Variants in LNX1 observed in about 807,000 individuals in gnomAD.
LNX1 encodes the protein E3 ubiquitin-protein ligase LNX.
A neutral mutation model predicts 68.4 loss-of-function variants in LNX1; 54 were observed. The observed-to-expected ratio is 0.79, with a 90% CI of 0.63 to 0.99. The LOEUF is 0.99. LNX1 is among the 50% of genes least tolerant of loss of function. The pLI is 0.00. For synonymous variants in LNX1, 336 were observed against 350.0 expected (o/e 0.96, Z 0.45); for missense variants, 906 against 926.4 (o/e 0.98, Z 0.29).
intron 1 of LNX1, among the ~76,000 whole-genome samples, chr4:53,633,365 C>G (rs148033059): frequency 2.7e-3 from 405 of 152,300 alleles, no homozygotes; most frequent in African/African-American, 7.3e-3. Flanking sequence ...TATTCTCTTT[C>G]TCTTCTCCTT....
At position 53,616,252 on chromosome 4, in the gene LNX1, C is replaced by T. The variant is rs114174923; in HGVS notation, c.-215+265G>A. Among the ~76,000 whole-genome samples, 1,070 of 152,108 alleles carry T rather than the reference C, an allele frequency of 7.0e-3. 11 individuals carry two copies. The highest frequency in any genetic ancestry group is 0.024 in the African/African-American group (1,012 of 41,506). On this transcript the variant is annotated intron_variant, in intron 2 of 3. Coordinates refer to the LNX1 transcript ENST00000504299. Reference sequence around the variant, plus strand: ...CTTTTTTACTTTTTTTCTTAGAAACCTAGATAGACACCTTCCCTACATAGA... The same window carrying T: ...CTTTTTTACTTTTTTTCTTAGAAACTTAGATAGACACCTTCCCTACATAGA...
chr4:53,496,832 T>A (rs1414717496), intron 5 of LNX1, among the ~76,000 whole-genome samples: 1 of 152,326 alleles, frequency 6.6e-6, no homozygotes, highest in East Asian at 1.9e-4. Context: ...AAATCTCCAA[T>A]TGAATTTTTC....
At chr4:53,498,435 G>C (rs950878915) in intron 5 of LNX1, among the ~76,000 whole-genome samples, 7 of 152,046 alleles carry the variant, frequency 4.6e-5, no homozygotes, top group South Asian at 2.1e-4. Context: ...AGAGAGAAAG[G>C]GGGGAGAGAG....
At chr4:53,620,661 C>T (rs991917381), upstream of LNX1, among the ~76,000 whole-genome samples, 2 of 151,748 alleles carry the variant, frequency 1.3e-5, no homozygotes, top group African/African-American at 4.8e-5. Flanking sequence ...TGCAATACAT[C>T]AGTGTAGCAG....
At chr4:53,503,913 G>A (rs1725681281) in intron 4 of LNX1, among the ~76,000 whole-genome samples, 1 of 152,146 alleles carries the variant, frequency 6.6e-6, no homozygotes, top group South Asian at 2.1e-4. Context: ...GCAGGCGGAT[G>A]ACCTGCGGTC....
At chr4:53,577,708 C>A (rs1365176161) in intron 1 of LNX1, among the ~76,000 whole-genome samples, 2 of 152,118 alleles carry the variant, frequency 1.3e-5, no homozygotes, top group Non-Finnish European at 2.9e-5. Flanking sequence ...AGCCACCACA[C>A]CCCGCCTGCC....
chr4:53,644,939 A>G lies in LNX1; in HGVS notation c.-215+7229T>C, dbSNP rs577253659. Among the ~76,000 whole-genome samples, 11 of 152,336 alleles carry G rather than the reference A, an allele frequency of 7.2e-5. No homozygotes were observed. The East Asian group carries it at 1.9e-3, about 27-fold the overall frequency. ...GTCAAAATGCGCTTCTCAGTTTTCAACAGAGTGAGGGAGAAGTAGTACCTT... is the reference window on the plus strand; with the variant it reads ...GTCAAAATGCGCTTCTCAGTTTTCAGCAGAGTGAGGGAGAAGTAGTACCTT... On this transcript the variant is annotated intron_variant, in intron 1 of 2. Coordinates refer to the LNX1 transcript ENST00000507168.
chr4:53,575,980 C>CA, intron 1 of LNX1: 15 of 1,560,432 alleles, frequency 9.6e-6, no homozygotes, highest in Non-Finnish European at 1.3e-5. Flanking sequence ...GGCAGGCATG[C>CA]ACACGCTGCT....
At chr4:53,535,771 T>G (rs1219780034) in intron 2 of LNX1, among the ~76,000 whole-genome samples, 12 of 152,204 alleles carry the variant, frequency 7.9e-5, no homozygotes, top group Non-Finnish European at 1.8e-4. Context: ...CTCTTTCACT[T>G]CCTCATTCAT....
chr4:53,634,243 CCAG>C (rs1337623224), intron 1 of LNX1, among the ~76,000 whole-genome samples: 1 of 142,024 alleles, frequency 7.0e-6, no homozygotes, highest in Non-Finnish European at 1.5e-5. Flanking sequence ...TTTTATCTGT[CCAG>C]CTTGGCTTTT....
At chr4:53,596,518 G>A (rs565614013) in intron 2 of LNX1, among the ~76,000 whole-genome samples, 42 of 152,270 alleles carry the variant, frequency 2.8e-4, no homozygotes, top group African/African-American at 9.9e-4. Flanking sequence ...TATATCTTAT[G>A]ACAATTACAC....
At position 53,515,130 on chromosome 4, in the gene LNX1, T is replaced by C. The variant is rs1265079454; in HGVS notation, c.381-6903A>G. Among the ~76,000 whole-genome samples, 108 of 152,156 alleles carry C rather than the reference T, an allele frequency of 7.1e-4. 1 individual carries two copies. The highest frequency in any genetic ancestry group is 7.0e-3 in the Admixed American group (107 of 15,268). On this transcript the variant is annotated intron_variant, in intron 2 of 10. Coordinates refer to ENST00000263925, the MANE Select transcript of LNX1 (RefSeq NM_001126328.3). ...CAATTACACCAGTAGAACCAAACTT[T>C]GAATATGTAGGAGCTCTCTCTCCAG... is the stretch of plus-strand genomic sequence containing the variant.
At chr4:53,536,847 G>A (rs1330122828) in intron 2 of LNX1, among the ~76,000 whole-genome samples, 2 of 152,092 alleles carry the variant, frequency 1.3e-5, no homozygotes, top group Admixed American at 6.5e-5. Context: ...AAAAGACATG[G>A]TAGATTGCAT....
intron 4 of LNX1, among the ~76,000 whole-genome samples, chr4:53,502,435 A>G (rs1351737037): frequency 6.6e-6 from 1 of 152,206 alleles, no homozygotes; most frequent in Non-Finnish European, 1.5e-5. Flanking sequence ...TAAAATGTAC[A>G]TATCTCAATT....
intron 2 of LNX1, among the ~76,000 whole-genome samples, chr4:53,565,975 C>A (rs2109754013): frequency 6.6e-6 from 1 of 152,108 alleles, no homozygotes; most frequent in South Asian, 2.1e-4. Flanking sequence ...ACGAGCAAAG[C>A]CTCCAAGAAA....
At chr4:53,472,160 A>G (rs1006726632) in intron 9 of LNX1, among the ~76,000 whole-genome samples, 3 of 152,234 alleles carry the variant, frequency 2.0e-5, no homozygotes, top group Non-Finnish European at 2.9e-5. Context: ...TGTAGCCATA[A>G]AAAAGGATGA....
At chr4:53,549,110 C>T (rs1422551711) in intron 2 of LNX1, among the ~76,000 whole-genome samples, 1 of 152,020 alleles carries the variant, frequency 6.6e-6, no homozygotes, top group Non-Finnish European at 1.5e-5. Flanking sequence ...GTGCAAACCC[C>T]CATGACATGT....
At chr4:53,591,026 C>T (rs1231468712) in intron 1 of LNX1, among the ~76,000 whole-genome samples, 1 of 152,186 alleles carries the variant, frequency 6.6e-6, no homozygotes, top group African/African-American at 2.4e-5. Flanking sequence ...TCCTAGCCCC[C>T]GTTAAACGGG....
At chr4:53,607,025 G>A (rs1047162635) in intron 2 of LNX1, among the ~76,000 whole-genome samples, 8 of 152,230 alleles carry the variant, frequency 5.3e-5, no homozygotes, top group African/African-American at 1.9e-4. Flanking sequence ...TAAACTGGAA[G>A]CATTCCGTTT....
Sources: allele counts gnomAD v4.1 joint callset (sites outside exome capture counted in the v4.1 genomes callset), GRCh38; gene constraint gnomAD v4.1.1; transcripts MANE v1.5; gene names NCBI Gene and HGNC (gene_info 2026-07-23, HGNC 2026-07-21).